The following IQSEC1 variants were observed in gnomAD, a reference collection of about 807,000 sequenced individuals.
IQSEC1 encodes the protein IQ motif and SEC7 domain-containing protein 1.
IQSEC1 carries 31 observed loss-of-function variants against 91.0 expected under a neutral mutation model. That is an observed-to-expected ratio of 0.34 (90% CI 0.26 to 0.46). The LOEUF (loss-of-function observed/expected upper bound fraction) is 0.46. Among genes scored for constraint, IQSEC1 ranks in the 20% least tolerant of loss-of-function variants. IQSEC1 has a pLI of 1.00. For missense variants in IQSEC1, 1,388 were observed against 1,575.6 expected, an observed-to-expected ratio of 0.88 and a Z score of 2.02; for synonymous variants, 699 against 662.6, an observed-to-expected ratio of 1.05 and a Z score of -0.84.
intron 1 of IQSEC1, among the ~76,000 whole-genome samples, chr3:13,185,032 G>T: frequency 6.6e-6 from 1 of 152,120 alleles, no homozygotes; most frequent in East Asian, 1.9e-4. Flanking sequence ...AGCAAGAGTC[G>T]GAGACCACAG....
intron 2 of IQSEC1, among the ~76,000 whole-genome samples, chr3:13,140,402 A>G (rs1188389076): frequency 3.3e-5 from 5 of 152,218 alleles, no homozygotes; most frequent in Non-Finnish European, 7.3e-5. Context: ...CTTCATGGAA[A>G]TCATAGTTTA....
chr3:12,964,190 G>T (rs1700414610), intron 1 of IQSEC1, among the ~76,000 whole-genome samples: 1 of 152,160 alleles, frequency 6.6e-6, no homozygotes, highest in African/African-American at 2.4e-5. Context: ...ATTCTCTAAG[G>T]CCATGCCAAT....
At chr3:13,064,943 CCAGCTA>C (rs1705185750) in intron 1 of IQSEC1, among the ~76,000 whole-genome samples, 1 of 152,208 alleles carries the variant, frequency 6.6e-6, no homozygotes, top group Non-Finnish European at 1.5e-5. Flanking sequence ...GGACGGAGAG[CCAGCTA>C]AGGTGACAAT....
chr3:13,044,671 G>T (rs1704423730), intron 1 of IQSEC1, among the ~76,000 whole-genome samples: 1 of 152,210 alleles, frequency 6.6e-6, no homozygotes, highest in South Asian at 2.1e-4. Context: ...GCCCTGAAGT[G>T]CTGCCCACTC....
At chr3:13,000,175 C>A (rs745681389) in intron 1 of IQSEC1, among the ~76,000 whole-genome samples, 32 of 152,192 alleles carry the variant, frequency 2.1e-4, no homozygotes, top group Non-Finnish European at 3.8e-4. Context: ...AATGTCCAAT[C>A]AATTTGACCA....
chr3:13,121,293 C>T (rs1405939241), intron 2 of IQSEC1, among the ~76,000 whole-genome samples: 18 of 152,218 alleles, frequency 1.2e-4, no homozygotes, highest in Admixed American at 9.2e-4. Context: ...AAGTTTGTCA[C>T]GCCCTGTGTT....
At chr3:13,125,982 T>C (rs578161587) in intron 2 of IQSEC1, among the ~76,000 whole-genome samples, 1 of 152,266 alleles carries the variant, frequency 6.6e-6, no homozygotes, top group African/African-American at 2.4e-5. Flanking sequence ...AAAATGAGAT[T>C]TGGTGTTCTC....
At chr3:12,978,295 T>C (rs149263804) in intron 1 of IQSEC1, among the ~76,000 whole-genome samples, 2 of 152,296 alleles carry the variant, frequency 1.3e-5, no homozygotes, top group Non-Finnish European at 2.9e-5. Flanking sequence ...CCAACAGTTG[T>C]CCTCAAAGTG....
At chr3:13,226,931 G>A (rs543876919) in intron 1 of IQSEC1, among the ~76,000 whole-genome samples, 119 of 152,206 alleles carry the variant, frequency 7.8e-4, no homozygotes, top group Non-Finnish European at 2.8e-4. Flanking sequence ...AAGCTTCTCC[G>A]CACACCCAGC....
chr3:13,238,978 G>C (rs527938976), intron 1 of IQSEC1, among the ~76,000 whole-genome samples: 1 of 152,316 alleles, frequency 6.6e-6, no homozygotes, highest in East Asian at 1.9e-4. Context: ...AGGAGCCCAT[G>C]CTGGGGACTC....
In IQSEC1 at chr3:13,084,334, C is replaced by T. The variant is rs557716202; in HGVS notation, c.303-36812G>A. On this transcript the variant is annotated intron_variant, in intron 2 of 15. Transcript: ENST00000648114. ...CAAAGCTCCTTCCACACCCCACATC[C>T]CCCCTGACATACTCAGCTCAAAGCC... Among the ~76,000 whole-genome samples the T allele has an allele frequency of 1.9e-4, 29 of 152,246 alleles. No individual in the cohort carries two copies. In the South Asian group the frequency reaches 4.6e-3, roughly 24 times the overall value.
intron 1 of IQSEC1, among the ~76,000 whole-genome samples, chr3:12,957,422 T>C (rs1373527166): frequency 1.3e-5 from 2 of 152,230 alleles, no homozygotes; most frequent in South Asian, 2.1e-4. Context: ...TTTTTCAGAA[T>C]ATACACACGC....
intron 2 of IQSEC1, among the ~76,000 whole-genome samples, chr3:13,097,573 G>C (rs941121846): frequency 6.6e-6 from 1 of 152,140 alleles, no homozygotes; most frequent in African/African-American, 2.4e-5. Flanking sequence ...CTCTGCAGCC[G>C]CCAGCCCCCA....
At chr3:13,045,884 C>T (rs991076774) in intron 1 of IQSEC1, among the ~76,000 whole-genome samples, 5 of 152,340 alleles carry the variant, frequency 3.3e-5, no homozygotes, top group African/African-American at 1.2e-4. Flanking sequence ...GTGTGTGTAC[C>T]AGTGTGAGCC....
chr3:13,195,860 G>A (rs537263078), intron 1 of IQSEC1, among the ~76,000 whole-genome samples: 2 of 152,288 alleles, frequency 1.3e-5, no homozygotes, highest in South Asian at 2.1e-4. Flanking sequence ...TGGGGGGATG[G>A]TATCAGTATC....
intron 1 of IQSEC1, among the ~76,000 whole-genome samples, chr3:12,984,710 C>T (rs1001625943): frequency 3.9e-5 from 6 of 152,000 alleles, no homozygotes; most frequent in African/African-American, 1.5e-4. Flanking sequence ...AGATAAGTCG[C>T]TTACAGGTCC....
At chr3:13,217,707 C>CT (rs1333561260) in intron 1 of IQSEC1, among the ~76,000 whole-genome samples, 3 of 152,154 alleles carry the variant, frequency 2.0e-5, no homozygotes, top group Non-Finnish European at 4.4e-5. Flanking sequence ...TGCCTCACTC[C>CT]TTTACTTAAA....
intron 1 of IQSEC1, among the ~76,000 whole-genome samples, chr3:13,172,315 G>A (rs1693633425): frequency 6.6e-6 from 1 of 152,172 alleles, no homozygotes; most frequent in East Asian, 1.9e-4. Flanking sequence ...TGGCACAGAG[G>A]AGGTCTGTTT....
At chr3:13,157,345 G>C (rs1361688638) in intron 2 of IQSEC1, among the ~76,000 whole-genome samples, 2 of 152,186 alleles carry the variant, frequency 1.3e-5, no homozygotes, top group Non-Finnish European at 2.9e-5. Flanking sequence ...CACCCAGTCA[G>C]ATAGGTTTTT....
Sources: gnomAD v4.1 joint callset for allele counts (sites outside exome capture counted in the v4.1 genomes callset) on GRCh38, gnomAD v4.1.1 for gene constraint, MANE v1.5 for transcripts, NCBI Gene and HGNC (gene_info 2026-07-23, HGNC 2026-07-21) for gene names.